Variants in MKNK2 observed in about 807,000 individuals in gnomAD.
MKNK2 encodes the protein MAPK interacting serine/threonine kinase 2.
MKNK2 carries 54 observed loss-of-function variants against 55.0 expected under a neutral mutation model. The observed-to-expected ratio is 0.98, with a 90% CI of 0.79 to 1.23. The LOEUF is 1.23. MKNK2 is among the 50% of genes most tolerant of loss of function. The pLI is 0.00. For missense variants in MKNK2, 685 were observed against 632.1 expected, an observed-to-expected ratio of 1.08 and a Z score of -0.90; for synonymous variants, 323 against 256.0, an observed-to-expected ratio of 1.26 and a Z score of -2.50.
At chr19:2,040,954 A>T in intron 12 of MKNK2, 86 bp downstream of exon 12, 1 of 1,339,264 alleles carries the variant, frequency 7.5e-7, no homozygotes, top group Non-Finnish European at 1.1e-6. Context: ...TGTCCAGGCT[A>T]CACCCTCAGG....
chr19:2,046,423 CTCT>C lies in MKNK2; in HGVS notation c.182_184del (p.Lys61del), dbSNP rs781217314. The stretch of plus-strand genomic sequence containing the variant: ...CCGGCCGCGCTTCTTCTTCTTGCCC[CTCT>C]TCTTGGCGTCCGGGATGTCAATGGG... On this transcript the variant is annotated inframe_deletion, in exon 4 of 14. Transcript: ENST00000250896. 21 of 1,609,444 alleles carry C rather than the reference CTCT, an allele frequency of 1.3e-5. No homozygotes were observed. Among genetic ancestry groups the C allele is most frequent in the Non-Finnish European group, 1.8e-5 (21 of 1,179,840 alleles).
intron 6 of MKNK2, 144 bp downstream of exon 6, chr19:2,043,359 A>C (rs1350815560): frequency 2.0e-6 from 2 of 1,009,292 alleles, no homozygotes; most frequent in Non-Finnish European, 3.1e-6. Flanking sequence ...TGGGGCTGTC[A>C]GCCAGCCTGC....
In MKNK2 at chr19:2,050,866, C is replaced by A; in HGVS notation, c.-15G>T. 2 of 1,515,276 alleles carry A rather than the reference C, an allele frequency of 1.3e-6. No homozygotes were observed. The highest frequency in any genetic ancestry group is 8.8e-7 in the Non-Finnish European group (1 of 1,132,386). 93.9% of individuals were successfully genotyped at this position (1,515,276 alleles called of 1,614,324 possible). A position where few individuals can be genotyped will look rare whatever the true frequency, so the allele number is the denominator to read the frequency against. The stretch of plus-strand genomic sequence containing the variant: ...TTCTGCACCATCTTCTGTCCGGGCC[C>A]CGCCAGCGGGGGAGGGGACCGAGGG... On this transcript the variant is annotated 5_prime_UTR_variant, in exon 2 of 14. Transcript: ENST00000250896.
At position 2,038,799 on chromosome 19, in the gene MKNK2, G is replaced by A. The variant is rs1382289769; in HGVS notation, c.*814C>T. On this transcript the variant is annotated 3_prime_UTR_variant, in exon 14 of 14. Transcript: ENST00000250896. ...GTCCAGCCCCTCTGCCTGCTGCGGTGGAAACGGCTTCGGGCCAGGCGGGGC... is the reference window on the plus strand; with the variant it reads ...GTCCAGCCCCTCTGCCTGCTGCGGTAGAAACGGCTTCGGGCCAGGCGGGGC... 4 of 985,694 alleles carry A rather than the reference G, an allele frequency of 4.1e-6. No individual in the cohort carries two copies. In the African/African-American group the frequency reaches 5.2e-5, roughly 13 times the overall value. 61.1% of individuals were successfully genotyped at this position (985,694 alleles called of 1,614,324 possible).
Position 2,041,019 on chromosome 19 carries a change from GCCCGTGC to G in MKNK2, c.1110+14_1110+20del. The G allele has an allele frequency of 1.2e-6, 2 of 1,612,654 alleles. No individual in the cohort carries two copies. The highest frequency in any genetic ancestry group is 1.7e-6 in the Non-Finnish European group (2 of 1,179,280). On this transcript the variant is annotated intron_variant, in intron 12 of 13. Coordinates refer to ENST00000250896, the MANE Select transcript of MKNK2 (RefSeq NM_199054.3). ...GCAGCGCCCCCATACCCCTCCTGCC[GCCCGTGC>G]GGCTGGTACTCACCCCCTGAACCCA...
chr19:2,037,961 C>T lies in MKNK2; in HGVS notation c.*1652G>A, dbSNP rs887746719. 4.3e-6 allele frequency: 6 copies of T among 1,381,552 alleles called. No homozygotes were observed. Among genetic ancestry groups the T allele is most frequent in the Non-Finnish European group, 5.7e-6 (6 of 1,056,912 alleles). 85.6% of individuals were successfully genotyped at this position (1,381,552 alleles called of 1,614,324 possible). A position where few individuals can be genotyped will look rare whatever the true frequency, so the allele number is the denominator to read the frequency against. On this transcript the variant is annotated 3_prime_UTR_variant, in exon 14 of 14. Coordinates refer to ENST00000250896, the MANE Select transcript of MKNK2 (RefSeq NM_199054.3). Reference sequence around the variant, plus strand: ...TCTTTGATACAAAAAGGCAGAGAATCCCCCGTTACGAAACATGGAATCACT... The same window carrying T: ...TCTTTGATACAAAAAGGCAGAGAATTCCCCGTTACGAAACATGGAATCACT...
rs1568232878 is a variant in MKNK2, at chr19:2,037,578, A to G, written c.*2035T>C. The G allele has an allele frequency of 4.1e-6, 2 of 489,630 alleles. No individual in the cohort carries two copies. Among genetic ancestry groups the G allele is most frequent in the Non-Finnish European group, 6.9e-6 (2 of 289,494 alleles). 30.3% of individuals were successfully genotyped at this position (489,630 alleles called of 1,614,324 possible). A position where few individuals can be genotyped will look rare whatever the true frequency, so the allele number is the denominator to read the frequency against. ...TGAGCTCCGTCAGTTCACCTGGTAC[A>G]TTGGAATTAAAGTGCTTGGATGTTT... On this transcript the variant is annotated 3_prime_UTR_variant, in exon 14 of 14. Coordinates refer to ENST00000250896, the MANE Select transcript of MKNK2 (RefSeq NM_199054.3).
intron 6 of MKNK2, 129 bp from the exon 7 acceptor site, chr19:2,043,326 A>C: frequency 1.0e-6 from 1 of 1,003,912 alleles, no homozygotes; most frequent in Non-Finnish European, 1.6e-6. Flanking sequence ...CTGGGGCAAT[A>C]GGCCAGCTTC....
Position 2,037,719 on chromosome 19 carries a change from C to G in MKNK2, c.*1894G>C. The G allele has an allele frequency of 1.9e-6, 3 of 1,556,950 alleles. No homozygotes were observed. Among genetic ancestry groups the G allele is most frequent in the Non-Finnish European group, 2.6e-6 (3 of 1,142,036 alleles). On this transcript the variant is annotated 3_prime_UTR_variant, in exon 14 of 14. Coordinates refer to ENST00000250896, the MANE Select transcript of MKNK2 (RefSeq NM_199054.3). ...CCCAGCGATGGGAGCTGGCCTGGGG[C>G]CCAGGGTCCTCCAGGATCTTCACTC...
At chr19:2,040,228 G>C in intron 12 of MKNK2, 51 bp from the exon 13 acceptor site, 1 of 1,472,974 alleles carries the variant, frequency 6.8e-7, no homozygotes, top group Middle Eastern at 2.0e-4. Context: ...GGGGCCGCCT[G>C]GGGCGCTGGG....
intron 7 of MKNK2, 42 bp downstream of exon 7, chr19:2,043,082 T>G: frequency 6.4e-7 from 1 of 1,551,210 alleles, no homozygotes; most frequent in Non-Finnish European, 8.9e-7. Context: ...CCGTAATACC[T>G]CCCAGCTCCC....
Position 2,042,669 on chromosome 19 carries a change from G to T in MKNK2, c.599-7C>A. On this transcript the variant is annotated splice_polypyrimidine_tract_variant and splice_region_variant and intron_variant, in intron 8 of 13. Transcript: ENST00000250896. ...AGGTCCCTGTGGGCGATGCCTGGGG[G>T]AGAAGCCACAGAACCACGACGGGGT... 1 of 1,560,264 alleles carries T rather than the reference G, an allele frequency of 6.4e-7. No individual in the cohort carries two copies. The highest frequency in any genetic ancestry group is 8.7e-7 in the Non-Finnish European group (1 of 1,151,290).
At position 2,040,949 on chromosome 19, in the gene MKNK2, A is replaced by G. The variant is rs749154400; in HGVS notation, c.1110+91T>C. On this transcript the variant is annotated intron_variant, in intron 12 of 13. Transcript: ENST00000250896. ...AGCCTCAGTGCATCTCAGGGTGTCC[A>G]GGCTACACCCTCAGGGCTTCCCATG... 9.4e-6 allele frequency: 12 copies of G among 1,273,804 alleles called. No homozygotes were observed. In the African/African-American group the frequency reaches 1.6e-4, roughly 17 times the overall value. The allele number at this position is 1,273,804 out of a possible 1,614,324, so 78.9% of individuals were successfully genotyped here. A position where few individuals can be genotyped will look rare whatever the true frequency, so the allele number is the denominator to read the frequency against.
In MKNK2 at chr19:2,038,260, G is replaced by T. The variant is rs142973467; in HGVS notation, c.*1353C>A. The T allele has an allele frequency of 1.0e-6, 1 of 987,552 alleles. No individual in the cohort carries two copies. Among genetic ancestry groups the T allele is most frequent in the African/African-American group, 1.7e-5 (1 of 57,226 alleles). The allele number at this position is 987,552 out of a possible 1,614,324, so 61.2% of individuals were successfully genotyped here. On this transcript the variant is annotated 3_prime_UTR_variant, in exon 14 of 14. Transcript: ENST00000250896. ...CATCGATGTGTTGTTTTTTTTTAAG[G>T]AAAAACTAAAAAACTAAACAGGAGG...
In MKNK2 at chr19:2,042,429, G is replaced by C; in HGVS notation, c.748C>G (p.Pro250Ala). Residue 250 changes from proline to alanine, a missense_variant and splice_region_variant, in exon 10 of 14, where the codon CCG (proline) becomes GCG (alanine). Physicochemically the swap from Pro to Ala is conservative, Grantham distance 27. Transcript: ENST00000250896. ...CAGCCCTCCCCGCGGGCCCTCACCG[G>C]AGTGAGCAGCTCCGGGGTGGAGATA... ...SPISTPELLT[P>A]CGSAEYMAPE... 1 of 1,574,284 alleles carries C rather than the reference G, an allele frequency of 6.4e-7. No homozygotes were observed. Among genetic ancestry groups the C allele is most frequent in the Non-Finnish European group, 8.6e-7 (1 of 1,161,288 alleles).
At chr19:2,041,487 C>A (rs2016881073) in intron 11 of MKNK2, among the ~76,000 whole-genome samples, 1 of 152,148 alleles carries the variant, frequency 6.6e-6, no homozygotes, top group African/African-American at 2.4e-5. Flanking sequence ...TCCCCCCAAA[C>A]CAGGGGCCTC....
At chr19:2,040,022 G>T in intron 13 of MKNK2, 112 bp downstream of exon 13, 1 of 1,408,668 alleles carries the variant, frequency 7.1e-7, no homozygotes, top group Non-Finnish European at 9.9e-7. Context: ...GAGTCACCAG[G>T]CTTGCCTGCC....
In MKNK2 at chr19:2,041,044, T is replaced by C. The variant is rs761611809; in HGVS notation, c.1106A>G (p.Gln369Arg). 2.5e-6 allele frequency: 4 copies of C among 1,613,676 alleles called. No individual in the cohort carries two copies. In the South Asian group the frequency reaches 3.3e-5, roughly 13 times the overall value. Reference sequence around the variant, plus strand: ...GCCCGTGCGGCTGGTACTCACCCCCTGAACCCAGGGGTGCTGCAGGACTTG... The same window carrying C: ...GCCCGTGCGGCTGGTACTCACCCCCCGAACCCAGGGGTGCTGCAGGACTTG... ...AAQVLQHPWV[Q>R]GCAPENTLPT... Residue 369 changes from glutamine (Q) to arginine (R), a missense_variant, in exon 12 of 14, where the codon CAG (glutamine) becomes CGG (arginine). Coordinates refer to ENST00000250896, the MANE Select transcript of MKNK2 (RefSeq NM_199054.3).
In MKNK2 at chr19:2,038,641, C is replaced by T. The variant is rs1290488656; in HGVS notation, c.*972G>A. 8.1e-6 allele frequency: 8 copies of T among 985,118 alleles called. No homozygotes were observed. Among genetic ancestry groups the T allele is most frequent in the Admixed American group, 1.2e-4 (2 of 16,188 alleles). The allele number at this position is 985,118 out of a possible 1,614,324, so 61.0% of individuals were successfully genotyped here. On this transcript the variant is annotated 3_prime_UTR_variant, in exon 14 of 14. Coordinates refer to ENST00000250896, the MANE Select transcript of MKNK2 (RefSeq NM_199054.3). ...GCTCTAAGGACAAGGACGGAGCTGACGGAGCTTCCAGGTCAGGCCCGAGGG... is the reference window on the plus strand; with the variant it reads ...GCTCTAAGGACAAGGACGGAGCTGATGGAGCTTCCAGGTCAGGCCCGAGGG...
Sources: gnomAD v4.1 joint callset for allele counts (sites outside exome capture counted in the v4.1 genomes callset) on GRCh38, gnomAD v4.1.1 for gene constraint, MANE v1.5 for transcripts, NCBI Gene and HGNC (gene_info 2026-07-23, HGNC 2026-07-21) for gene names.